SLC25A23: variants seen among roughly 807,000 people sequenced by gnomAD.
The protein encoded by SLC25A23 is mitochondrial adenyl nucleotide antiporter SLC25A23.
SLC25A23 carries 32 observed loss-of-function variants against 53.9 expected under a neutral mutation model. The observed-to-expected ratio is 0.59, with a 90% CI of 0.45 to 0.80. The LOEUF (loss-of-function observed/expected upper bound fraction) is 0.80. Among genes scored for constraint, SLC25A23 ranks in the 30% least tolerant of loss-of-function variants. The pLI is 0.00. For missense variants in SLC25A23, 575 were observed against 651.4 expected (o/e 0.88, Z 1.28); for synonymous variants, 275 against 264.5 (o/e 1.04, Z -0.38).
At chr19:6,443,483 C>T (rs2092455527) in intron 9 of SLC25A23, 2 of 642,016 alleles carry the variant, frequency 3.1e-6, no homozygotes, top group Admixed American at 2.3e-5. Flanking sequence ...CCTCTTTGGC[C>T]TCCTAAAGTG....
chr19:6,447,763 C>A (rs1020018426), intron 8 of SLC25A23, among the ~76,000 whole-genome samples: 1 of 152,182 alleles, frequency 6.6e-6, no homozygotes, highest in Non-Finnish European at 1.5e-5. Flanking sequence ...CTCCACCTCC[C>A]GGGTTCAAGA....
At position 6,459,411 on chromosome 19, in the gene SLC25A23, G is replaced by C; in HGVS notation, c.156+62C>G. The C allele has an allele frequency of 6.9e-7, 1 of 1,459,506 alleles. No individual in the cohort carries two copies. Among genetic ancestry groups the C allele is most frequent in the Non-Finnish European group, 9.1e-7 (1 of 1,097,742 alleles). The allele number at this position is 1,459,506 out of a possible 1,614,324, so 90.4% of individuals were successfully genotyped here. On this transcript the variant is annotated intron_variant, in intron 1 of 9. Coordinates refer to ENST00000301454, the MANE Select transcript of SLC25A23 (RefSeq NM_024103.3). The surrounding 1 kb of genome is among the most constrained non-coding windows in gnomAD (Gnocchi z 4.6). ...GGTGGCTCCGGCCGCCCAGTTCAGG[G>C]GCTTGGGTAACCGGGAGCGGGCGGG...
In SLC25A23 at chr19:6,441,634, G is replaced by T. The variant is rs1055257801; in HGVS notation, c.*341C>A. On this transcript the variant is annotated 3_prime_UTR_variant, in exon 10 of 10. Coordinates refer to ENST00000301454, the MANE Select transcript of SLC25A23 (RefSeq NM_024103.3). ...AGGATCCAGTGATTTGGGGGATGGG[G>T]ATTAAGGGCTGGGGTGTGGATAATC... 4 of 321,068 alleles carry T rather than the reference G, an allele frequency of 1.2e-5. No homozygotes were observed. The highest frequency in any genetic ancestry group is 2.4e-5 in the Non-Finnish European group (4 of 168,628). The allele number at this position is 321,068 out of a possible 1,614,324, so 19.9% of individuals were successfully genotyped here.
intron 8 of SLC25A23, among the ~76,000 whole-genome samples, chr19:6,447,474 CTTTAT>C (rs2092523532): frequency 6.6e-6 from 1 of 151,724 alleles, no homozygotes; most frequent in Non-Finnish European, 1.5e-5. Context: ...GGCTAATTAT[CTTTAT>C]TTTTATTTTA....
chr19:6,436,540 C>T (rs1335182373), downstream of SLC25A23: 39 of 412,196 alleles, frequency 9.5e-5, 1 homozygote, highest in Admixed American at 1.5e-4. Flanking sequence ...AGGATGGCAG[C>T]GACAGTGTCT....
At position 6,454,425 on chromosome 19, in the gene SLC25A23, G is replaced by A; in HGVS notation, c.693C>T (p.Ser231=). The A allele has an allele frequency of 6.2e-7, 1 of 1,614,180 alleles. No homozygotes were observed. Among genetic ancestry groups the A allele is most frequent in the African/African-American group, 1.3e-5 (1 of 75,062 alleles). ...NRLNILGGLR[S]MVLEGGIRSL... is the part of the protein sequence containing the mutation. The stretch of plus-strand genomic sequence containing the variant: ...AGCGGATGCCTCCCTCAAGGACCAT[G>A]CTTCGAAGCCCCCCAAGGATGTTCA... Residue 231 remains serine (S), a synonymous_variant, in exon 6 of 10, where the codon AGC becomes AGT. Coordinates refer to ENST00000301454, the MANE Select transcript of SLC25A23 (RefSeq NM_024103.3). The surrounding 1 kb of genome is among the most constrained non-coding windows in gnomAD (Gnocchi z 4.3).
chr19:6,451,077 C>T (rs1242805182), intron 8 of SLC25A23, among the ~76,000 whole-genome samples: 1 of 114,364 alleles, frequency 8.7e-6, no homozygotes, highest in African/African-American at 3.5e-5. Context: ...GACTCTGTCT[C>T]GGGAAAAAAA....
rs146414534 is a variant in SLC25A23, at chr19:6,448,040, G to T, written c.1072-3739C>A. ...TACTTGCCCAAAGCTACAAAATAAA[G>T]GTGAGAACCAACATTCACAGCTGTA... On this transcript the variant is annotated intron_variant, in intron 8 of 9. Coordinates refer to ENST00000301454, the MANE Select transcript of SLC25A23 (RefSeq NM_024103.3). Among the ~76,000 whole-genome samples, 754 of 152,260 alleles carry T rather than the reference G, an allele frequency of 5.0e-3. 7 individuals carry two copies. Among genetic ancestry groups the T allele is most frequent in the African/African-American group, 0.017 (718 of 41,546 alleles).
chr19:6,456,398 G>C, intron 4 of SLC25A23, 22 bp downstream of exon 4: 1 of 1,609,174 alleles, frequency 6.2e-7, no homozygotes, highest in Non-Finnish European at 8.5e-7. Context: ...CCTTCAGCTG[G>C]GGAAAGCCAC....
chr19:6,436,549 CTT>C (rs1249190211), downstream of SLC25A23: 491 of 354,962 alleles, frequency 1.4e-3, no homozygotes, highest in South Asian at 2.0e-3. Context: ...GCGACAGTGT[CTT>C]TTTTTTTTTT....
rs764467645 is a variant in SLC25A23, at chr19:6,456,485, C to A, written c.418G>T (p.Asp140Tyr). ...TCCAGCGAATGCAACAGGAAGTGGT[C>A]GCGCCATTCTTGCCAGTCAATGGTC... ...TMTIDWQEWR[D>Y]HFLLHSLENV... Residue 140 changes from aspartate to tyrosine, a missense_variant, in exon 4 of 10, where the codon GAC becomes TAC. Asp to Tyr is a radical substitution (Grantham distance 160, BLOSUM62 -3). Coordinates refer to ENST00000301454, the MANE Select transcript of SLC25A23 (RefSeq NM_024103.3). 1 of 1,613,590 alleles carries A rather than the reference C, an allele frequency of 6.2e-7. No individual in the cohort carries two copies. Among genetic ancestry groups the A allele is most frequent in the African/African-American group, 1.3e-5 (1 of 74,750 alleles).
intron 9 of SLC25A23, among the ~76,000 whole-genome samples, chr19:6,443,267 A>C (rs977074467): frequency 1.4e-5 from 2 of 147,902 alleles, no homozygotes; most frequent in South Asian, 2.2e-4. Flanking sequence ...ACAGGGTCTC[A>C]CTCTGTCACC....
At chr19:6,447,370 C>T (rs1299748996) in intron 8 of SLC25A23, among the ~76,000 whole-genome samples, 5 of 152,078 alleles carry the variant, frequency 3.3e-5, no homozygotes, top group Non-Finnish European at 7.4e-5. Context: ...GGTGAAATCT[C>T]GGCTCACTGC....
At chr19:6,453,629 C>T (rs2092626891) in intron 7 of SLC25A23, among the ~76,000 whole-genome samples, 2 of 152,180 alleles carry the variant, frequency 1.3e-5, no homozygotes. Context: ...AAACATGTAG[C>T]TAGCACAGTC....
intron 8 of SLC25A23, among the ~76,000 whole-genome samples, chr19:6,446,169 G>A (rs2092501640): frequency 6.6e-6 from 1 of 152,036 alleles, no homozygotes; most frequent in Admixed American, 6.6e-5. Context: ...TTCGAGACCA[G>A]CCTGGCCAAT....
chr19:6,456,027 G>C, intron 4 of SLC25A23: 1 of 1,304,832 alleles, frequency 7.7e-7, no homozygotes, highest in Non-Finnish European at 1.0e-6. Flanking sequence ...CCAAGACCGT[G>C]GTTTTTGAAC....
In SLC25A23 at chr19:6,448,557, G is replaced by A. The variant is rs550910367; in HGVS notation, c.1071+3755C>T. On this transcript the variant is annotated intron_variant, in intron 8 of 9. Coordinates refer to ENST00000301454, the MANE Select transcript of SLC25A23 (RefSeq NM_024103.3). ...GCGATCTTGGCTCACAGCAAACTCC[G>A]CCTCCTGGGTTCAAGCGATTCTCCT... 1.4e-4 allele frequency among the ~76,000 whole-genome samples: 21 copies of A among 151,030 alleles called. No individual in the cohort carries two copies. In the South Asian group the frequency reaches 3.8e-3, roughly 27 times the overall value.
chr19:6,458,225 A>C lies in SLC25A23; in HGVS notation c.256T>G (p.Phe86Val), dbSNP rs769093796. 237 of 1,613,596 alleles carry C rather than the reference A, an allele frequency of 1.5e-4. No individual in the cohort carries two copies. Among genetic ancestry groups the C allele is most frequent in the Non-Finnish European group, 1.9e-4 (224 of 1,179,994 alleles). Residue 86 changes from phenylalanine (F) to valine (V), a missense_variant, in exon 2 of 10, where the codon TTT becomes GTT. Phe to Val is a conservative substitution (Grantham distance 50). Transcript: ENST00000301454. ...TCCTGGTTCCGGTCAAGACTGTGAA[A>C]CATGAGCAGCAGACGCTGTTCCCGC... ...QEREQRLLLM[F>V]HSLDRNQDGH...
At chr19:6,450,250 C>T (rs183845656) in intron 8 of SLC25A23, among the ~76,000 whole-genome samples, 1 of 152,228 alleles carries the variant, frequency 6.6e-6, no homozygotes, top group East Asian at 1.9e-4. Context: ...GACTTCCACT[C>T]CTCCAAAAGG....
Sources: gnomAD v4.1 joint callset for allele counts (sites outside exome capture counted in the v4.1 genomes callset) on GRCh38, gnomAD v4.1.1 for gene constraint, Gnocchi (gnomAD v3.1) non-coding constraint, MANE v1.5 for transcripts, NCBI Gene and HGNC (gene_info 2026-07-23, HGNC 2026-07-21) for gene names.